SMOC2: variants seen among roughly 807,000 people sequenced by gnomAD.
SMOC2 encodes the protein SPARC-related modular calcium-binding protein 2.
SMOC2 carries 39 observed loss-of-function variants against 61.4 expected under a neutral mutation model. The ratio of observed to expected loss-of-function variants is 0.64; its 90% CI spans 0.49 to 0.83. The LOEUF is 0.83. Among genes scored for constraint, SMOC2 ranks in the 40% least tolerant of loss-of-function variants. The pLI, the probability that SMOC2 is intolerant of heterozygous loss-of-function variation, is 0.00. For synonymous variants in SMOC2, 247 were observed against 239.9 expected (o/e 1.03, Z -0.27); for missense variants, 556 against 592.9 (o/e 0.94, Z 0.65).
chr6:168,462,399 G>C (rs547968750), intron 1 of SMOC2, among the ~76,000 whole-genome samples: 16 of 152,228 alleles, frequency 1.1e-4, no homozygotes, highest in Non-Finnish European at 2.1e-4. Flanking sequence ...ATCGTTTCCC[G>C]GCATCCTGCT....
At chr6:168,545,014 G>A (rs1245959943) in intron 5 of SMOC2, among the ~76,000 whole-genome samples, 2 of 152,156 alleles carry the variant, frequency 1.3e-5, no homozygotes, top group Non-Finnish European at 2.9e-5. Flanking sequence ...GGGACACTGG[G>A]TTGGGGGAGG....
chr6:168,601,407 C>T (rs1360191283), intron 8 of SMOC2, among the ~76,000 whole-genome samples: 1 of 152,260 alleles, frequency 6.6e-6, no homozygotes, highest in Non-Finnish European at 1.5e-5. Context: ...GGCTTGGCTT[C>T]TGCGGGGCTG....
chr6:168,604,800 C>A (rs538368972), intron 8 of SMOC2, among the ~76,000 whole-genome samples: 1 of 152,176 alleles, frequency 6.6e-6, no homozygotes. Context: ...TCCCAAGGAC[C>A]ACAAGTACAT....
rs541735153 is a variant in SMOC2 at position 168,553,008 on chromosome 6, G to C, written c.637+3805G>C. On this transcript the variant is annotated intron_variant, in intron 7 of 12. Transcript: ENST00000356284. This position sits in a 1 kb window ranked among gnomAD's most constrained non-coding sequence, Gnocchi z 4.2. ...AGATTTGTACCAGCATATGTTCCAC[G>C]GGCCCTACTGTAGCATCATTACTCT... Among the ~76,000 whole-genome samples the C allele has an allele frequency of 6.6e-6, 1 of 152,012 alleles. No homozygotes were observed.
intron 7 of SMOC2, among the ~76,000 whole-genome samples, chr6:168,583,822 C>T (rs1011122809): frequency 2.0e-4 from 31 of 152,192 alleles, no homozygotes; most frequent in African/African-American, 7.5e-4. Context: ...TCTGTTCTTC[C>T]TGGAATAAGG....
At chr6:168,547,240 G>C in intron 6 of SMOC2, 71 bp downstream of exon 6, 2 of 1,373,762 alleles carry the variant, frequency 1.5e-6, no homozygotes, top group South Asian at 2.3e-5. Flanking sequence ...GCTGGGAAGT[G>C]GAGCGAGTCA....
chr6:168,461,790 G>T (rs997968627), intron 1 of SMOC2, among the ~76,000 whole-genome samples: 1 of 152,106 alleles, frequency 6.6e-6, no homozygotes, highest in Non-Finnish European at 1.5e-5. Flanking sequence ...ACTCTATTAC[G>T]CCTAGTGGCA....
At chr6:168,579,741 G>T (rs528169556) in intron 7 of SMOC2, among the ~76,000 whole-genome samples, 2 of 152,164 alleles carry the variant, frequency 1.3e-5, no homozygotes, top group South Asian at 2.1e-4. Context: ...GGTGGGTGGG[G>T]GTGGCCTTTG....
intron 1 of SMOC2, among the ~76,000 whole-genome samples, chr6:168,461,844 T>C (rs1342338229): frequency 3.3e-5 from 5 of 151,730 alleles, no homozygotes; most frequent in Admixed American, 3.3e-4. Context: ...GTCCTATGAA[T>C]TTTTTTTTCA....
At chr6:168,602,657 C>A (rs9456232) in intron 8 of SMOC2, among the ~76,000 whole-genome samples, 77,388 of 151,958 alleles carry the variant, frequency 0.51, 19,938 homozygotes, top group Admixed American at 0.59. Flanking sequence ...GTGGCTAAGA[C>A]AGTCTTGGTT....
chr6:168,506,075 T>C (rs1327587669), intron 1 of SMOC2, among the ~76,000 whole-genome samples: 2 of 151,990 alleles, frequency 1.3e-5, no homozygotes, highest in Non-Finnish European at 2.9e-5. Flanking sequence ...TGCGTAGTCA[T>C]AGCTCACTGC....
intron 9 of SMOC2, among the ~76,000 whole-genome samples, chr6:168,610,392 A>T (rs1785827653): frequency 6.6e-6 from 1 of 152,210 alleles, no homozygotes; most frequent in South Asian, 2.1e-4. Flanking sequence ...GATTATTTGG[A>T]GATAATTATC....
At chr6:168,640,405 G>A (rs1256564058) in intron 9 of SMOC2, among the ~76,000 whole-genome samples, 1 of 152,290 alleles carries the variant, frequency 6.6e-6, no homozygotes, top group East Asian at 1.9e-4. Flanking sequence ...GGGGGCTGCT[G>A]CAGACGCTGA....
At chr6:168,639,197 C>A (rs957303722) in intron 9 of SMOC2, among the ~76,000 whole-genome samples, 1 of 152,260 alleles carries the variant, frequency 6.6e-6, no homozygotes, top group Non-Finnish European at 1.5e-5. Context: ...CCCGTTTTGG[C>A]TCTGGGTGGC....
intron 1 of SMOC2, among the ~76,000 whole-genome samples, chr6:168,444,179 G>T (rs1346030347): frequency 1.3e-5 from 2 of 152,214 alleles, no homozygotes; most frequent in Admixed American, 6.5e-5. Flanking sequence ...TGGACTTTGT[G>T]GGAGTAGCCA....
intron 1 of SMOC2, among the ~76,000 whole-genome samples, chr6:168,495,661 G>C (rs1015365235): frequency 6.6e-6 from 1 of 152,056 alleles, no homozygotes; most frequent in Non-Finnish European, 1.5e-5. Context: ...TCAGGCCTGC[G>C]TCTGCCACTC....
At chr6:168,509,129 G>T (rs992096181) in intron 1 of SMOC2, among the ~76,000 whole-genome samples, 40 of 152,180 alleles carry the variant, frequency 2.6e-4, no homozygotes, top group African/African-American at 9.2e-4. Context: ...CGCCCAGATC[G>T]GAGGCTTCCC....
chr6:168,600,851 T>C (rs1785534649), intron 8 of SMOC2, among the ~76,000 whole-genome samples: 2 of 152,226 alleles, frequency 1.3e-5, no homozygotes, highest in African/African-American at 4.8e-5. Flanking sequence ...ACTTGTTCAC[T>C]GGAGTTTTGT....
chr6:168,445,724 G>A (rs528607278), intron 1 of SMOC2, among the ~76,000 whole-genome samples: 6 of 152,276 alleles, frequency 3.9e-5, no homozygotes, highest in Admixed American at 3.9e-4. Context: ...CACGAAGGTG[G>A]TTAAGGAGGA....
Sources: gnomAD v4.1 joint callset for allele counts (sites outside exome capture counted in the v4.1 genomes callset) on GRCh38, gnomAD v4.1.1 for gene constraint, Gnocchi (gnomAD v3.1) non-coding constraint, MANE v1.5 for transcripts, NCBI Gene and HGNC (gene_info 2026-07-23, HGNC 2026-07-21) for gene names.